Variants in MGST1 observed in about 807,000 individuals in gnomAD.
The protein encoded by MGST1 is microsomal glutathione S-transferase 1, also known as glutathione S-transferase 12.
A neutral mutation model predicts 8.9 loss-of-function variants in MGST1; 5 were observed. The observed-to-expected ratio is 0.56, with a 90% CI of 0.29 to 1.19. The LOEUF is 1.19. Ranked by LOEUF, MGST1 falls within the 50% of genes most tolerant of loss-of-function variation. The pLI is 0.08. For missense variants in MGST1, 182 were observed against 187.4 expected, an observed-to-expected ratio of 0.97 and a Z score of 0.17; for synonymous variants, 54 against 67.8, an observed-to-expected ratio of 0.80 and a Z score of 1.00.
chr12:16,432,126 A>G (rs1218239473), intron 1 of MGST1, among the ~76,000 whole-genome samples: 1 of 152,116 alleles, frequency 6.6e-6, no homozygotes, highest in Non-Finnish European at 1.5e-5. Flanking sequence ...TACTTTGCCT[A>G]TGAGTTCACA....
At chr12:16,522,816 C>G (rs979553006) in intron 4 of MGST1, among the ~76,000 whole-genome samples, 2 of 152,024 alleles carry the variant, frequency 1.3e-5, no homozygotes, top group African/African-American at 4.8e-5. Flanking sequence ...AAGAAAAATG[C>G]TTTCTACCTA....
chr12:16,514,630 T>G (rs576866142), intron 4 of MGST1, among the ~76,000 whole-genome samples: 4 of 149,762 alleles, frequency 2.7e-5, no homozygotes, highest in South Asian at 2.5e-4. Flanking sequence ...TCCAGCAATG[T>G]GGGCTACCTT....
Position 16,560,358 on chromosome 12 carries a change from T to C in MGST1, n.483-29170T>C, listed in dbSNP as rs1942356333. 1.3e-6 allele frequency: 2 copies of C among 1,543,654 alleles called. No individual in the cohort carries two copies. Among genetic ancestry groups the C allele is most frequent in the South Asian group, 1.2e-5 (1 of 81,124 alleles). ...ATATAATTTCCACCTATTAAATAAA[T>C]AGCCAGCACAGAGAGGTTAACCATT... On this transcript the variant is annotated intron_variant and non_coding_transcript_variant, in intron 4 of 4. Coordinates refer to the MGST1 transcript ENST00000538857. This position sits in a 1 kb window ranked among gnomAD's most constrained non-coding sequence, Gnocchi z 5.0.
chr12:16,494,295 G>C (rs949091197), intron 4 of MGST1, among the ~76,000 whole-genome samples: 1 of 152,104 alleles, frequency 6.6e-6, no homozygotes, highest in Non-Finnish European at 1.5e-5. Context: ...ACATCTCTGT[G>C]ATGCATGTTG....
At chr12:16,561,782 G>T (rs906123043) in intron 4 of MGST1, among the ~76,000 whole-genome samples, 2 of 152,156 alleles carry the variant, frequency 1.3e-5, no homozygotes, top group African/African-American at 2.4e-5. Flanking sequence ...TAAGTGTCTG[G>T]CAAAATGTGC....
At chr12:16,473,577 T>A in intron 4 of MGST1, among the ~76,000 whole-genome samples, 1 of 152,246 alleles carries the variant, frequency 6.6e-6, no homozygotes, top group East Asian at 1.9e-4. Flanking sequence ...GAACTAGAAA[T>A]AATCTTTCTA....
chr12:16,480,016 G>A (rs994102922), intron 4 of MGST1, among the ~76,000 whole-genome samples: 1 of 151,728 alleles, frequency 6.6e-6, no homozygotes, highest in Non-Finnish European at 1.5e-5. Flanking sequence ...CTTCTAGAAG[G>A]AAACATAAGA....
At chr12:16,381,238 C>T (rs939791553), downstream of MGST1, among the ~76,000 whole-genome samples, 1 of 152,080 alleles carries the variant, frequency 6.6e-6, no homozygotes, top group Admixed American at 6.6e-5. Flanking sequence ...CTAGCATTGA[C>T]AGTCTTTACA....
intron 4 of MGST1, among the ~76,000 whole-genome samples, chr12:16,465,771 T>A (rs1485566736): frequency 1.3e-5 from 2 of 152,104 alleles, no homozygotes; most frequent in African/African-American, 4.8e-5. Flanking sequence ...ATTATCCTCC[T>A]CCTTCCCCCA....
chr12:16,521,818 C>G (rs1941649796), intron 4 of MGST1, among the ~76,000 whole-genome samples: 1 of 152,060 alleles, frequency 6.6e-6, no homozygotes, highest in African/African-American at 2.4e-5. Flanking sequence ...TAAGATAACA[C>G]TCTTGGTAGG....
chr12:16,558,731 C>T (rs1942282914), intron 4 of MGST1, among the ~76,000 whole-genome samples: 1 of 152,100 alleles, frequency 6.6e-6, no homozygotes, highest in Admixed American at 6.5e-5. Context: ...ATCTGAATAT[C>T]TACATTTAGC....
intron 4 of MGST1, among the ~76,000 whole-genome samples, chr12:16,516,210 A>G (rs1406069244): frequency 2.6e-5 from 4 of 152,210 alleles, no homozygotes; most frequent in African/African-American, 7.2e-5. Flanking sequence ...CGCTTCACAC[A>G]AAAGAGTCTG....
In MGST1 at chr12:16,469,178, C is replaced by CTTTT. The variant is rs11292991; in HGVS notation, n.482+85593_482+85596dup. Among the ~76,000 whole-genome samples, 256 of 77,566 alleles carry CTTTT rather than the reference C, an allele frequency of 3.3e-3. 1 individual carries two copies. The highest frequency in any genetic ancestry group is 9.3e-3 in the Middle Eastern group (1 of 108). 50.9% of individuals were successfully genotyped at this position (77,566 alleles called of 152,430 possible). ...ACATAACATGCATAATGCTCTATTC[C>CTTTT]TTTTTTTTTTTTTTTTTTTTTTGGA... On this transcript the variant is annotated intron_variant and non_coding_transcript_variant, in intron 4 of 4. Transcript: ENST00000538857.
At chr12:16,368,485 C>T (rs1199216442), downstream of MGST1, among the ~76,000 whole-genome samples, 2 of 152,136 alleles carry the variant, frequency 1.3e-5, no homozygotes, top group Non-Finnish European at 2.9e-5. Context: ...AATGTCAGCC[C>T]TGTGGGAAGC....
downstream of MGST1, among the ~76,000 whole-genome samples, chr12:16,365,702 A>G (rs1940172355): frequency 6.6e-6 from 1 of 151,966 alleles, no homozygotes; most frequent in Non-Finnish European, 1.5e-5. Flanking sequence ...TCCGAAACCC[A>G]TGAGTTGGCT....
At chr12:16,507,030 C>T (rs1473834364) in intron 4 of MGST1, among the ~76,000 whole-genome samples, 1 of 152,148 alleles carries the variant, frequency 6.6e-6, no homozygotes, top group East Asian at 1.9e-4. Context: ...ATAAACTTTC[C>T]TATACTTGCT....
intron 2 of MGST1, among the ~76,000 whole-genome samples, chr12:16,355,914 T>C (rs1165353086): frequency 1.3e-5 from 2 of 152,184 alleles, no homozygotes; most frequent in Non-Finnish European, 2.9e-5. Flanking sequence ...TTCTGGAGTC[T>C]GGTAAGTCTA....
At chr12:16,518,147 A>G (rs1941626096) in intron 4 of MGST1, among the ~76,000 whole-genome samples, 1 of 152,140 alleles carries the variant, frequency 6.6e-6, no homozygotes, top group South Asian at 2.1e-4. Context: ...GTAAAATCCC[A>G]ACTTCTGACA....
downstream of MGST1, among the ~76,000 whole-genome samples, chr12:16,439,090 T>C (rs1941015862): frequency 6.7e-6 from 1 of 149,034 alleles, no homozygotes; most frequent in African/African-American, 2.5e-5. Flanking sequence ...GTAATATAAA[T>C]TGTATGGGAA....
Sources: gnomAD v4.1 joint callset for allele counts (sites outside exome capture counted in the v4.1 genomes callset) on GRCh38, gnomAD v4.1.1 for gene constraint, Gnocchi (gnomAD v3.1) non-coding constraint, MANE v1.5 for transcripts, NCBI Gene and HGNC (gene_info 2026-07-23, HGNC 2026-07-21) for gene names.